Variants in OR6N1 observed in about 807,000 individuals in gnomAD.
OR6N1 encodes olfactory receptor family 6 subfamily N member 1.
For synonymous variants in OR6N1, 170 were observed against 150.7 expected, an observed-to-expected ratio of 1.13 and a Z score of -0.94; for missense variants, 394 against 371.7, an observed-to-expected ratio of 1.06 and a Z score of -0.49.
At chr1:158,816,172 A>AG in the OR6N1 span, among the ~76,000 whole-genome samples, 3 of 151,272 alleles carry the variant, frequency 2.0e-5, no homozygotes, top group Admixed American at 2.0e-4. Context: ...AAAAAAAAAA[A>AG]GAATATGGTA....
chr1:158,835,156 C>G, the OR6N1 span, among the ~76,000 whole-genome samples: 1 of 152,284 alleles, frequency 6.6e-6, no homozygotes, highest in African/African-American at 2.4e-5. Flanking sequence ...AAAAACACTT[C>G]TGGGATTTTG....
chr1:158,791,071 T>C, the OR6N1 span, among the ~76,000 whole-genome samples: 22 of 152,374 alleles, frequency 1.4e-4, no homozygotes, highest in South Asian at 4.3e-3. Context: ...AACACATTTA[T>C]TGACTTATGT....
the OR6N1 span, among the ~76,000 whole-genome samples, chr1:158,782,293 G>A: frequency 2.0e-5 from 3 of 152,116 alleles, no homozygotes; most frequent in Admixed American, 2.0e-4. Flanking sequence ...TTGCAGATAT[G>A]GAATACCTGT....
At chr1:158,822,897 T>C in the OR6N1 span, among the ~76,000 whole-genome samples, 1 of 152,214 alleles carries the variant, frequency 6.6e-6, no homozygotes, top group Non-Finnish European at 1.5e-5. Flanking sequence ...ATGCCTAGTT[T>C]GTTGAGGACT....
chr1:158,799,799 G>A, the OR6N1 span, among the ~76,000 whole-genome samples: 1 of 152,108 alleles, frequency 6.6e-6, no homozygotes, highest in African/African-American at 2.4e-5. Flanking sequence ...GAGTCTGAGA[G>A]AAGAAAGGGT....
At chr1:158,790,769 T>G in the OR6N1 span, among the ~76,000 whole-genome samples, 42 of 152,258 alleles carry the variant, frequency 2.8e-4, no homozygotes, top group African/African-American at 9.6e-4. Flanking sequence ...ATAGTATTAA[T>G]TTTTTTAATT....
chr1:158,775,466 G>A (rs972279191), upstream of OR6N1: 5 of 152,160 alleles, frequency 3.3e-5, no homozygotes, highest in Non-Finnish European at 7.4e-5. Flanking sequence ...GAAGAATTCC[G>A]TTTATAGCCT....
At chr1:158,789,140 C>G in the OR6N1 span, among the ~76,000 whole-genome samples, 7 of 152,110 alleles carry the variant, frequency 4.6e-5, no homozygotes, top group Non-Finnish European at 1.0e-4. Flanking sequence ...ACACAATTAC[C>G]TCAAGTTCCA....
At chr1:158,795,060 T>G in the OR6N1 span, among the ~76,000 whole-genome samples, 1 of 152,140 alleles carries the variant, frequency 6.6e-6, no homozygotes, top group Non-Finnish European at 1.5e-5. Flanking sequence ...GTACTCTGGC[T>G]CCCCACATGT....
In OR6N1 at chr1:158,765,653, A is replaced by G. The variant is rs1657231104; in HGVS notation, c.*91T>C. 9.5e-7 allele frequency: 1 copy of G among 1,047,438 alleles called. No homozygotes were observed. Among genetic ancestry groups the G allele is most frequent in the East Asian group, 2.4e-5 (1 of 41,914 alleles). The allele number at this position is 1,047,438 out of a possible 1,614,324, so 64.9% of individuals were successfully genotyped here. On this transcript the variant is annotated 3_prime_UTR_variant, in exon 2 of 2. Coordinates refer to ENST00000641846, the MANE Select transcript of OR6N1 (RefSeq NM_001005185.2). ...GCTCCACCACCCCACATAGAAAAGC[A>G]CTGAATTTTTAGTTTCTCGTCTCTG...
the OR6N1 span, among the ~76,000 whole-genome samples, chr1:158,828,050 C>G: frequency 6.6e-6 from 1 of 152,170 alleles, no homozygotes. Context: ...ATTATGAGAA[C>G]AGCATGGGAA....
At position 158,766,131 on chromosome 1, in the gene OR6N1, C is replaced by A; in HGVS notation, c.552G>T (p.Val184=). The A allele has an allele frequency of 6.2e-7, 1 of 1,614,140 alleles. No homozygotes were observed. Among genetic ancestry groups the A allele is most frequent in the South Asian group, 1.1e-5 (1 of 91,084 alleles). ...ACGTATCAGTGCAAGCCAAACTCAG[C>A]ACAGGAGGGAAGTCACAAAAGACGT... ...IQHVFCDFPP[V]LSLACTDTSI... Residue 184 remains valine, a synonymous_variant, in exon 2 of 2, where the codon GTG becomes GTT. Transcript: ENST00000641846.
the OR6N1 span, among the ~76,000 whole-genome samples, chr1:158,834,144 A>C: frequency 6.6e-6 from 1 of 151,900 alleles, no homozygotes; most frequent in African/African-American, 2.4e-5. Context: ...ATTTTTCTAA[A>C]GATTATTGCC....
chr1:158,776,545 A>G (rs1657597596), upstream of OR6N1: 1 of 524,104 alleles, frequency 1.9e-6, no homozygotes, highest in African/African-American at 1.9e-5. Flanking sequence ...GATGTAGAAA[A>G]TGAGAAAATC....
At chr1:158,784,276 TC>T in the OR6N1 span, among the ~76,000 whole-genome samples, 2 of 152,234 alleles carry the variant, frequency 1.3e-5, no homozygotes, top group African/African-American at 2.4e-5. Flanking sequence ...TATCCATCTT[TC>T]TTTTGTTTTA....
chr1:158,803,099 T>A, the OR6N1 span, among the ~76,000 whole-genome samples: 5 of 152,178 alleles, frequency 3.3e-5, no homozygotes, highest in Non-Finnish European at 5.9e-5. Context: ...AAATTTAAGA[T>A]ACGGAGGTAA....
chr1:158,790,466 G>A, the OR6N1 span, among the ~76,000 whole-genome samples: 19 of 150,096 alleles, frequency 1.3e-4, no homozygotes, highest in African/African-American at 9.9e-5. Context: ...GTGCAGTGGC[G>A]CAATCTCGGC....
the OR6N1 span, among the ~76,000 whole-genome samples, chr1:158,838,745 T>C: frequency 1.3e-5 from 2 of 152,142 alleles, no homozygotes; most frequent in Admixed American, 6.6e-5. Context: ...ATGAACTTTA[T>C]AAGTTCTGTT....
At chr1:158,809,922 G>T in the OR6N1 span, among the ~76,000 whole-genome samples, 1 of 152,114 alleles carries the variant, frequency 6.6e-6, no homozygotes, top group African/African-American at 2.4e-5. Context: ...TCCCCGAAGG[G>T]TATGTGCTAG....
Sources: gnomAD v4.1 joint callset for allele counts (sites outside exome capture counted in the v4.1 genomes callset) on GRCh38, gnomAD v4.1.1 for gene constraint, MANE v1.5 for transcripts, NCBI Gene and HGNC (gene_info 2026-07-23, HGNC 2026-07-21) for gene names.